ATRNL1: variants seen among roughly 807,000 people sequenced by gnomAD.
ATRNL1 encodes attractin like 1.
ATRNL1 carries 95 observed loss-of-function variants against 182.7 expected under a neutral mutation model. That is an observed-to-expected ratio of 0.52 (90% CI 0.44 to 0.62). The LOEUF (loss-of-function observed/expected upper bound fraction) is 0.62, where lower values mean the gene tolerates loss of function less well. Among genes scored for constraint, ATRNL1 ranks in the 20% least tolerant of loss-of-function variants. ATRNL1 has a pLI of 0.00. For missense variants in ATRNL1, 1,471 were observed against 1,679.5 expected (o/e 0.88, Z 2.17); for synonymous variants, 576 against 568.3 (o/e 1.01, Z -0.19).
intron 19 of ATRNL1, among the ~76,000 whole-genome samples, chr10:115,336,662 A>G (rs1052638092): frequency 1.3e-5 from 2 of 152,090 alleles, no homozygotes; most frequent in African/African-American, 4.8e-5. Flanking sequence ...TTTTGGATAT[A>G]TTTTCCAACA....
intron 21 of ATRNL1, among the ~76,000 whole-genome samples, chr10:115,454,049 G>GT (rs1847407651): frequency 6.6e-6 from 1 of 152,042 alleles, no homozygotes; most frequent in African/African-American, 2.4e-5. Context: ...GGTTTTACAT[G>GT]TAAGTCTTTA....
At chr10:115,271,645 T>G (rs1350767457) in intron 13 of ATRNL1, among the ~76,000 whole-genome samples, 10 of 152,230 alleles carry the variant, frequency 6.6e-5, no homozygotes, top group African/African-American at 2.4e-4. Flanking sequence ...TAGACTGGAT[T>G]ATACATATAT....
chr10:115,272,780 GT>G (rs1220421149), intron 13 of ATRNL1, among the ~76,000 whole-genome samples: 2 of 152,124 alleles, frequency 1.3e-5, no homozygotes, highest in Non-Finnish European at 2.9e-5. Context: ...CCATTCCACT[GT>G]TTTATGAAAC....
In ATRNL1 at chr10:115,860,127, C is replaced by T. The variant is rs114441792; in HGVS notation, c.4018+12136C>T. 2.1e-3 allele frequency among the ~76,000 whole-genome samples: 320 copies of T among 152,244 alleles called. 1 individual carries two copies. Among genetic ancestry groups the T allele is most frequent in the African/African-American group, 7.4e-3 (307 of 41,536 alleles). ...AGGAGCTGGGACTGAAACTGGTCCACAGGACTTCAGGGAGGTGGTTTGAGG... is the reference window on the plus strand; with the variant it reads ...AGGAGCTGGGACTGAAACTGGTCCATAGGACTTCAGGGAGGTGGTTTGAGG... On this transcript the variant is annotated intron_variant, in intron 28 of 28. Coordinates refer to ENST00000355044, the MANE Select transcript of ATRNL1 (RefSeq NM_207303.4).
rs191847491 is a variant in ATRNL1, at chr10:115,650,455, A to G, written c.3796-76793A>G. On this transcript the variant is annotated intron_variant, in intron 26 of 28. Transcript: ENST00000355044. Reference sequence around the variant, plus strand: ...TACTGGTTGAGTATAAGGCACTAATATAATTATTAATGATTATGGAGGTAT... The same window carrying G: ...TACTGGTTGAGTATAAGGCACTAATGTAATTATTAATGATTATGGAGGTAT... Among the ~76,000 whole-genome samples, 72 of 152,240 alleles carry G rather than the reference A, an allele frequency of 4.7e-4. No individual in the cohort carries two copies. The South Asian group carries it at 5.0e-3, about 11-fold the overall frequency.
At chr10:115,108,952 A>G (rs563787177) in intron 1 of ATRNL1, among the ~76,000 whole-genome samples, 3 of 152,220 alleles carry the variant, frequency 2.0e-5, no homozygotes, top group East Asian at 1.9e-4. Context: ...AAGGATGGCT[A>G]TTACTCCAGT....
At chr10:115,812,345 G>A (rs1398966650) in intron 27 of ATRNL1, among the ~76,000 whole-genome samples, 1 of 152,076 alleles carries the variant, frequency 6.6e-6, no homozygotes, top group African/African-American at 2.4e-5. Flanking sequence ...TTTGGATCTT[G>A]TTGTCCTATC....
intron 27 of ATRNL1, among the ~76,000 whole-genome samples, chr10:115,729,493 TTTTGTG>T (rs1479257122): frequency 2.7e-5 from 2 of 74,084 alleles, no homozygotes; most frequent in Non-Finnish European, 2.8e-5. Flanking sequence ...AGCTACCCCA[TTTTGTG>T]TGTGTGTGTG....
chr10:115,161,114 A>C (rs1259467495), intron 6 of ATRNL1, among the ~76,000 whole-genome samples: 2 of 152,000 alleles, frequency 1.3e-5, no homozygotes, highest in African/African-American at 4.8e-5. Context: ...GTTTATCTGA[A>C]TTCAAATTTA....
intron 19 of ATRNL1, among the ~76,000 whole-genome samples, chr10:115,365,100 A>G (rs1554945496): frequency 2.0e-5 from 3 of 150,418 alleles, no homozygotes; most frequent in African/African-American, 7.3e-5. Context: ...GAATGGTACC[A>G]GTTCCTCCTT....
chr10:115,919,998 G>C lies in ATRNL1; in HGVS notation c.4019-24660G>C, dbSNP rs1479214558. On this transcript the variant is annotated intron_variant, in intron 28 of 28. Coordinates refer to ENST00000355044, the MANE Select transcript of ATRNL1 (RefSeq NM_207303.4). ...GGCTAAGATTTCAACACGTGGATTT[G>C]GGGGAGACATATTCACTCAATAACC... Among the ~76,000 whole-genome samples the C allele has an allele frequency of 2.0e-5, 3 of 152,094 alleles. No individual in the cohort carries two copies. In the East Asian group the frequency reaches 5.8e-4, roughly 29 times the overall value.
chr10:115,769,438 T>G (rs782227319), intron 27 of ATRNL1, among the ~76,000 whole-genome samples: 1 of 152,184 alleles, frequency 6.6e-6, no homozygotes, highest in Non-Finnish European at 1.5e-5. Context: ...TTACAGTATA[T>G]TTATGGAGCC....
At chr10:115,348,914 A>C (rs1856101287) in intron 19 of ATRNL1, among the ~76,000 whole-genome samples, 1 of 152,210 alleles carries the variant, frequency 6.6e-6, no homozygotes, top group Non-Finnish European at 1.5e-5. Context: ...AATCTGGGTA[A>C]CTGAAATATC....
chr10:115,180,466 A>G (rs1467087646), intron 8 of ATRNL1, among the ~76,000 whole-genome samples: 1 of 151,780 alleles, frequency 6.6e-6, no homozygotes, highest in Non-Finnish European at 1.5e-5. Context: ...CAATTTATTT[A>G]CCTATTTCCC....
At chr10:115,835,569 C>A (rs1950650485) in intron 27 of ATRNL1, among the ~76,000 whole-genome samples, 1 of 152,138 alleles carries the variant, frequency 6.6e-6, no homozygotes, top group Non-Finnish European at 1.5e-5. Flanking sequence ...TGGTGAGGAA[C>A]AAAAGTATAA....
intron 26 of ATRNL1, among the ~76,000 whole-genome samples, chr10:115,564,400 G>C (rs782581638): frequency 6.6e-6 from 1 of 151,916 alleles, no homozygotes; most frequent in Non-Finnish European, 1.5e-5. Context: ...CTCATTTTCT[G>C]TGGCCAATTT....
intron 27 of ATRNL1, among the ~76,000 whole-genome samples, chr10:115,841,759 A>G (rs918333149): frequency 6.6e-6 from 1 of 152,212 alleles, no homozygotes; most frequent in Non-Finnish European, 1.5e-5. Context: ...AGGAAAGAAT[A>G]TGATTTTCGC....
At chr10:115,153,045 C>G (rs1554881095) in intron 5 of ATRNL1, among the ~76,000 whole-genome samples, 1 of 152,078 alleles carries the variant, frequency 6.6e-6, no homozygotes, top group Non-Finnish European at 1.5e-5. Flanking sequence ...GTTGAACTAG[C>G]CTTGCATCTC....
chr10:115,731,177 A>G (rs1947787151), intron 27 of ATRNL1, among the ~76,000 whole-genome samples: 1 of 152,060 alleles, frequency 6.6e-6, no homozygotes, highest in African/African-American at 2.4e-5. Context: ...TCAAGTTGAC[A>G]CTCAGTATTA....
Sources: gnomAD v4.1 joint callset for allele counts (sites outside exome capture counted in the v4.1 genomes callset) on GRCh38, gnomAD v4.1.1 for gene constraint, MANE v1.5 for transcripts, NCBI Gene and HGNC (gene_info 2026-07-23, HGNC 2026-07-21) for gene names.